DYNC2H1: variants seen among roughly 807,000 people sequenced by gnomAD.
The protein encoded by DYNC2H1 is cytoplasmic dynein 2 heavy chain 1.
In DYNC2H1, 410 loss-of-function variants were observed where a neutral mutation model predicts 570.0. The ratio of observed to expected loss-of-function variants is 0.72; its 90% confidence interval spans 0.66 to 0.78. The LOEUF (loss-of-function observed/expected upper bound fraction) is 0.78, where lower values mean the gene tolerates loss of function less well. Ranked by LOEUF, DYNC2H1 falls within the 30% of genes least tolerant of loss-of-function variation. The pLI is 0.00. For missense variants in DYNC2H1, 4,865 were observed against 5,046.4 expected (o/e 0.96, Z 1.09); for synonymous variants, 1,688 against 1,677.6 (o/e 1.01, Z -0.15).
Position 103,304,729 on chromosome 11 carries a change from A to G in DYNC2H1, c.11382+9A>G, listed in dbSNP as rs778500007. 6.2e-7 allele frequency: 1 copy of G among 1,604,268 alleles called. No homozygotes were observed. The highest frequency in any genetic ancestry group is 1.1e-5 in the South Asian group (1 of 90,242). On this transcript the variant is annotated intron_variant, in intron 77 of 88. Coordinates refer to ENST00000375735, the MANE Select transcript of DYNC2H1 (RefSeq NM_001377.3). The stretch of plus-strand genomic sequence containing the variant: ...TGCCAGTTCTGGAAAAGGTAGATTC[A>G]GATAAATGTACAAATAATATCTATT...
intron 82 of DYNC2H1, among the ~76,000 whole-genome samples, chr11:103,351,354 G>A (rs923504486): frequency 1.6e-4 from 25 of 152,182 alleles, no homozygotes; most frequent in Non-Finnish European, 3.1e-4. Flanking sequence ...TGTTTTTGCC[G>A]TATTCTGTTA....
intron 40 of DYNC2H1, 69 bp from the exon 41 acceptor site, chr11:103,184,827 T>G (rs1379528787): frequency 3.3e-6 from 5 of 1,526,530 alleles, no homozygotes; most frequent in African/African-American, 2.7e-5. Flanking sequence ...AACATCAGTC[T>G]GTATGGTTCT....
chr11:103,174,254 T>C, intron 36 of DYNC2H1, 84 bp downstream of exon 36: 1 of 1,176,680 alleles, frequency 8.5e-7, no homozygotes, highest in South Asian at 1.6e-5. Flanking sequence ...TACAGAAAAG[T>C]TGTAGATACA....
intron 69 of DYNC2H1, among the ~76,000 whole-genome samples, chr11:103,259,179 C>A (rs1865172471): frequency 6.6e-6 from 1 of 152,012 alleles, no homozygotes; most frequent in Admixed American, 6.6e-5. Context: ...AATTGTTATA[C>A]CAGAATTGAT....
intron 85 of DYNC2H1, among the ~76,000 whole-genome samples, chr11:103,448,081 C>T (rs968351327): frequency 6.6e-6 from 1 of 151,982 alleles, no homozygotes; most frequent in African/African-American, 2.4e-5. Flanking sequence ...TTTTTTCCAC[C>T]TTATTGGATG....
chr11:103,229,824 T>C (rs946488578), intron 59 of DYNC2H1, among the ~76,000 whole-genome samples: 3 of 152,190 alleles, frequency 2.0e-5, no homozygotes, highest in Non-Finnish European at 2.9e-5. Flanking sequence ...TGTCTAAAAG[T>C]GTCTATAATA....
chr11:103,263,756 G>C (rs566408673), intron 70 of DYNC2H1, among the ~76,000 whole-genome samples: 1 of 151,736 alleles, frequency 6.6e-6, no homozygotes, highest in Non-Finnish European at 1.5e-5. Context: ...ACAGGAGAAA[G>C]TAGGAAAGAT....
intron 78 of DYNC2H1, among the ~76,000 whole-genome samples, chr11:103,310,084 T>A (rs1369630953): frequency 6.6e-6 from 1 of 152,152 alleles, no homozygotes; most frequent in African/African-American, 2.4e-5. Flanking sequence ...TATTATTTTT[T>A]AAAATTGTTA....
chr11:103,115,396 T>C, intron 4 of DYNC2H1, 101 bp downstream of exon 4: 1 of 701,274 alleles, frequency 1.4e-6, no homozygotes, highest in African/African-American at 1.8e-5. Flanking sequence ...ACTTGATGAT[T>C]GTGAACAAAA....
rs757565849 is a variant in DYNC2H1, at chr11:103,239,093, G to A, written c.9819+2554G>A. Among the ~76,000 whole-genome samples the A allele has an allele frequency of 3.9e-5, 6 of 152,170 alleles. No individual in the cohort carries two copies. The highest frequency in any genetic ancestry group is 8.8e-5 in the Non-Finnish European group (6 of 68,032). ...TGAGTGAAAAGCATCAAGAAAGGAA[G>A]TGGAGAAGATGACTAATTAAAATAT... On this transcript the variant is annotated intron_variant, in intron 63 of 88. Transcript: ENST00000375735. The surrounding 1 kb of genome is among the most constrained non-coding windows in gnomAD (Gnocchi z 4.3).
At chr11:103,131,910 G>T (rs966851675) in intron 13 of DYNC2H1, among the ~76,000 whole-genome samples, 1 of 152,094 alleles carries the variant, frequency 6.6e-6, no homozygotes, top group African/African-American at 2.4e-5. Flanking sequence ...GGAAAGCATA[G>T]AATCCTTTTT....
chr11:103,370,181 G>A (rs1214376980), intron 83 of DYNC2H1, among the ~76,000 whole-genome samples: 1 of 152,228 alleles, frequency 6.6e-6, no homozygotes, highest in Non-Finnish European at 1.5e-5. Flanking sequence ...TAGTTTTAGA[G>A]GCTCCTTATG....
At chr11:103,162,256 A>G (rs998314393) in intron 29 of DYNC2H1, among the ~76,000 whole-genome samples, 1 of 151,974 alleles carries the variant, frequency 6.6e-6, no homozygotes, top group African/African-American at 2.4e-5. Flanking sequence ...TTTTGATGCT[A>G]TTTTCAATAC....
In DYNC2H1 at chr11:103,472,425, A is replaced by C. The variant is rs1223600702; in HGVS notation, c.12765+3720A>C. 6.6e-6 allele frequency among the ~76,000 whole-genome samples: 1 copy of C among 152,194 alleles called. No individual in the cohort carries two copies. The highest frequency in any genetic ancestry group is 1.5e-5 in the Non-Finnish European group (1 of 68,032). The stretch of plus-strand genomic sequence containing the variant: ...TTGAGAACAGGAGTATGGTAAGATC[A>C]GATTTGTAGTTTTAGAAAATCGGTC... On this transcript the variant is annotated intron_variant, in intron 88 of 88. Transcript: ENST00000375735. The surrounding 1 kb of genome is among the most constrained non-coding windows in gnomAD (Gnocchi z 4.1).
intron 63 of DYNC2H1, among the ~76,000 whole-genome samples, chr11:103,238,576 C>T (rs1864308699): frequency 2.2e-5 from 1 of 45,856 alleles, no homozygotes; most frequent in African/African-American, 4.7e-5. Flanking sequence ...TCAAAACACA[C>T]ACACATACAC....
chr11:103,126,776 A>G (rs1242368073), intron 12 of DYNC2H1, among the ~76,000 whole-genome samples: 1 of 151,842 alleles, frequency 6.6e-6, no homozygotes, highest in Admixed American at 6.6e-5. Flanking sequence ...AGCTGGGACT[A>G]TAGGGGCCCG....
At chr11:103,388,086 C>T (rs1941970312) in intron 83 of DYNC2H1, among the ~76,000 whole-genome samples, 3 of 152,126 alleles carry the variant, frequency 2.0e-5, no homozygotes, top group African/African-American at 7.2e-5. Flanking sequence ...CTATAAATTA[C>T]CTTGGGATGT....
In DYNC2H1 at chr11:103,134,381, C is replaced by T. The variant is rs769688185; in HGVS notation, c.2167C>T (p.Gln723Ter). 8.7e-6 allele frequency: 14 copies of T among 1,611,762 alleles called. No homozygotes were observed. The highest frequency in any genetic ancestry group is 1.2e-5 in the Non-Finnish European group (14 of 1,178,658). ...RQQQRWKDGLQELRTGLATVE... is the reference protein window; with the variant it reads ...RQQQRWKDGL ...GCAACAGCGCTGGAAAGATGGATTA[C>T]AAGAATTGAGAACTGGCTTAGCAAC... The change falls in exon 15 of 89, where the codon CAA (glutamine) becomes TAA (stop). Residue 723 changes from glutamine to a stop codon, truncating the protein, a stop_gained. Coordinates refer to ENST00000375735, the MANE Select transcript of DYNC2H1 (RefSeq NM_001377.3). LOFTEE classifies it high-confidence loss of function.
Position 103,121,484 on chromosome 11 carries a change from G to T in DYNC2H1, c.1473G>T (p.Gln491His), listed in dbSNP as rs761729465. Residue 491 changes from glutamine (Q) to histidine (H), a missense_variant, in exon 10 of 89, where the codon CAG becomes CAT. Coordinates refer to ENST00000375735, the MANE Select transcript of DYNC2H1 (RefSeq NM_001377.3). ...EVVNSIVWVR[Q>H]LELKVDDTIK... Reference sequence around the variant, plus strand: ...TCAACAGTATAGTTTGGGTTCGCCAGTTGGAATTGAAGGTATTTATTTTAA... The same window carrying T: ...TCAACAGTATAGTTTGGGTTCGCCATTTGGAATTGAAGGTATTTATTTTAA... 6 of 1,612,328 alleles carry T rather than the reference G, an allele frequency of 3.7e-6. No individual in the cohort carries two copies. The South Asian group carries it at 5.5e-5, about 15-fold the overall frequency.
Sources: allele counts gnomAD v4.1 joint callset (sites outside exome capture counted in the v4.1 genomes callset), GRCh38; gene constraint gnomAD v4.1.1; non-coding constraint Gnocchi (gnomAD v3.1); transcripts MANE v1.5; gene names NCBI Gene and HGNC (gene_info 2026-07-23, HGNC 2026-07-21).